CD44: variants seen among roughly 807,000 people sequenced by gnomAD.
CD44 encodes CD44 antigen.
In CD44, 49 loss-of-function variants were observed where a neutral mutation model predicts 88.8. That is an observed-to-expected ratio of 0.55 (90% CI 0.44 to 0.70). CD44 has a LOEUF of 0.70. Ranked by LOEUF, CD44 falls within the 30% of genes least tolerant of loss-of-function variation. The pLI is 0.00. For synonymous variants in CD44, 325 were observed against 312.3 expected (o/e 1.04, Z -0.43); for missense variants, 883 against 913.8 (o/e 0.97, Z 0.43).
rs565587965 is a variant in CD44, at chr11:35,208,909, A to G, written c.1516+703A>G. ...TTACTGCTTGCCACACATAATGGGC[A>G]GAGTCCTTCATATGAGCCCTTTAGG... On this transcript the variant is annotated intron_variant, in intron 12 of 17. Transcript: ENST00000428726. Among the ~76,000 whole-genome samples the G allele has an allele frequency of 3.9e-5, 6 of 152,302 alleles. No homozygotes were observed. The South Asian group carries it at 1.2e-3, about 32-fold the overall frequency.
At chr11:35,205,708 C>T in intron 10 of CD44, 1 of 756,424 alleles carries the variant, frequency 1.3e-6, no homozygotes, top group Non-Finnish European at 1.6e-6. Context: ...TCACTTCCAG[C>T]CTAATGTGCA....
chr11:35,167,771 G>A (rs567544210), intron 1 of CD44, among the ~76,000 whole-genome samples: 6 of 152,290 alleles, frequency 3.9e-5, no homozygotes, highest in Admixed American at 6.5e-5. Flanking sequence ...CAGACATCTC[G>A]TAATGTCACA....
At chr11:35,141,988 G>C (rs1040006725) in intron 1 of CD44, among the ~76,000 whole-genome samples, 1 of 152,196 alleles carries the variant, frequency 6.6e-6, no homozygotes, top group African/African-American at 2.4e-5. Context: ...TCCAGTCTTT[G>C]TATGGGAAAG....
At chr11:35,207,806 G>C (rs1361483955) in intron 11 of CD44, among the ~76,000 whole-genome samples, 1 of 152,186 alleles carries the variant, frequency 6.6e-6, no homozygotes, top group African/African-American at 2.4e-5. Context: ...CAATGTTTCT[G>C]TCTCTCTGCA....
chr11:35,143,230 T>G (rs1858364717), intron 1 of CD44, among the ~76,000 whole-genome samples: 1 of 151,924 alleles, frequency 6.6e-6, no homozygotes, highest in Non-Finnish European at 1.5e-5. Context: ...TTCTAGCACC[T>G]CCTGGAACAT....
intron 17 of CD44, chr11:35,222,913 A>T: frequency 2.0e-6 from 2 of 985,426 alleles, no homozygotes; most frequent in Non-Finnish European, 2.4e-6. Context: ...GAGAAGACCT[A>T]GAGAGAATTA....
chr11:35,150,652 C>A (rs1860131124), intron 1 of CD44, among the ~76,000 whole-genome samples: 1 of 152,086 alleles, frequency 6.6e-6, no homozygotes, highest in Admixed American at 6.5e-5. Flanking sequence ...AAATAAAATC[C>A]CAGATGTGCT....
intron 1 of CD44, among the ~76,000 whole-genome samples, chr11:35,163,655 T>A (rs988666345): frequency 6.6e-6 from 1 of 152,186 alleles, no homozygotes; most frequent in Non-Finnish European, 1.5e-5. Flanking sequence ...AATTTCTCTA[T>A]GAAATTCTCC....
chr11:35,227,016 T>C (rs1949747626), intron 17 of CD44, among the ~76,000 whole-genome samples: 1 of 151,216 alleles, frequency 6.6e-6, no homozygotes, highest in African/African-American at 2.4e-5. Flanking sequence ...TCCTGAGTAG[T>C]TGGGATTCAG....
chr11:35,178,034 A>G (rs1286075474), intron 2 of CD44, among the ~76,000 whole-genome samples: 2 of 152,098 alleles, frequency 1.3e-5, no homozygotes, highest in East Asian at 1.9e-4. Context: ...GGTCTGGGGG[A>G]ATATGAAAGG....
intron 3 of CD44, among the ~76,000 whole-genome samples, chr11:35,182,425 C>A (rs1033765964): frequency 1.3e-5 from 2 of 151,902 alleles, no homozygotes; most frequent in Admixed American, 1.3e-4. Flanking sequence ...GAGAGACATA[C>A]GAAACAGGAA....
Position 35,196,864 on chromosome 11 carries a change from A to T in CD44, c.786A>T (p.Thr262=). The change falls in exon 6 of 18, where the codon ACA becomes ACT. Residue 262 remains threonine, a synonymous_variant. Transcript: ENST00000428726. ...SESKNHLHTT[T]QMAGTSSNTI... ...CAAAGAATCATCTTCACACAACAAC[A>T]CAAATGGCTGGTAATGAGTTATTAT... 1 of 1,613,378 alleles carries T rather than the reference A, an allele frequency of 6.2e-7. No individual in the cohort carries two copies. Among genetic ancestry groups the T allele is most frequent in the Non-Finnish European group, 8.5e-7 (1 of 1,179,542 alleles).
At chr11:35,139,422 CG>C in intron 1 of CD44, 52 bp downstream of exon 1, 1 of 1,496,936 alleles carries the variant, frequency 6.7e-7, no homozygotes. Flanking sequence ...GTGCTCAGCG[CG>C]GACCCGGCGG....
At chr11:35,191,391 C>T (rs909260091) in intron 5 of CD44, among the ~76,000 whole-genome samples, 27 of 152,196 alleles carry the variant, frequency 1.8e-4, no homozygotes, top group Non-Finnish European at 2.8e-4. Flanking sequence ...AGTTTTCAAG[C>T]TGCCCATACT....
Position 35,167,482 on chromosome 11 carries a change from C to T in CD44, c.68-9093C>T, listed in dbSNP as rs375391251. 7.2e-5 allele frequency among the ~76,000 whole-genome samples: 11 copies of T among 152,284 alleles called. No individual in the cohort carries two copies. In the East Asian group the frequency reaches 1.5e-3, roughly 21 times the overall value. On this transcript the variant is annotated intron_variant, in intron 1 of 17. Transcript: ENST00000428726. ...GTCCTTTTCCCTTCCTACTTCTGAT[C>T]AGAACCAGCTCAGTAAGATTTATTA... is the stretch of plus-strand genomic sequence containing the variant.
At chr11:35,221,756 T>G in intron 17 of CD44, 24 bp downstream of exon 17, 1 of 1,600,996 alleles carries the variant, frequency 6.2e-7, no homozygotes, top group Non-Finnish European at 8.6e-7. Flanking sequence ...CTGGGGGCTT[T>G]CAACTTGGAA....
At chr11:35,197,692 C>T in intron 6 of CD44, 3 of 148,490 alleles carry the variant, frequency 2.0e-5, no homozygotes, top group Non-Finnish European at 4.4e-5. Context: ...GGTGTAGATT[C>T]CAACATTTTT....
intron 11 of CD44, 90 bp from the exon 12 acceptor site, chr11:35,208,015 A>T: frequency 1.3e-6 from 1 of 760,462 alleles, no homozygotes; most frequent in South Asian, 1.5e-5. Flanking sequence ...GCCAGATGTG[A>T]ATATTTAAAA....
intron 3 of CD44, among the ~76,000 whole-genome samples, chr11:35,181,921 T>TAATTCATA (rs1554962209): frequency 1.5e-5 from 1 of 68,214 alleles, no homozygotes; most frequent in African/African-American, 6.5e-5. Context: ...ATATTATATA[T>TAATTCATA]TATATTATAT....
Sources: gnomAD v4.1 joint callset for allele counts (sites outside exome capture counted in the v4.1 genomes callset) on GRCh38, gnomAD v4.1.1 for gene constraint, MANE v1.5 for transcripts, NCBI Gene and HGNC (gene_info 2026-07-23, HGNC 2026-07-21) for gene names.